PWWP2A: variants seen among roughly 807,000 people sequenced by gnomAD.
PWWP2A encodes PWWP domain-containing protein 2A.
Under a neutral mutation model 48.5 loss-of-function variants are expected in PWWP2A, and 18 were observed. The observed-to-expected ratio is 0.37, with a 90% confidence interval of 0.26 to 0.55. The LOEUF (loss-of-function observed/expected upper bound fraction) is 0.55, where lower values mean the gene tolerates loss of function less well. Among genes scored for constraint, PWWP2A ranks in the 20% least tolerant of loss-of-function variants. The probability of loss-of-function intolerance (pLI) is 0.81; values close to 1 mark genes in which losing one functional copy is unlikely to be tolerated. For synonymous variants in PWWP2A, 396 were observed against 387.7 expected, an observed-to-expected ratio of 1.02 and a Z score of -0.25; for missense variants, 867 against 976.4, an observed-to-expected ratio of 0.89 and a Z score of 1.49.
Position 160,091,375 on chromosome 5 carries a change from GGTTTT to G in PWWP2A, c.*1002_*1006del, listed in dbSNP as rs1185822976. 1.1e-6 allele frequency: 1 copy of G among 872,316 alleles called. No individual in the cohort carries two copies. Among genetic ancestry groups the G allele is most frequent in the Non-Finnish European group, 1.4e-6 (1 of 735,356 alleles). The allele number at this position is 872,316 out of a possible 1,614,324, so 54.0% of individuals were successfully genotyped here. ...TTGATTTTATTTACAGCTTTTTTTT[GGTTTT>G]TTTTTTTTTTTTTACATTTCAGAGC... On this transcript the variant is annotated 3_prime_UTR_variant, in exon 2 of 2. Transcript: ENST00000307063.
downstream of PWWP2A, among the ~76,000 whole-genome samples, chr5:160,075,401 G>C (rs1316346118): frequency 1.3e-5 from 2 of 152,126 alleles, no homozygotes; most frequent in South Asian, 4.1e-4. Flanking sequence ...TCAGTCCTGT[G>C]AACTGTCTGT....
intron 1 of PWWP2A, chr5:160,116,938 C>G (rs1758199026): frequency 5.8e-6 from 1 of 171,988 alleles, no homozygotes; most frequent in Non-Finnish European, 1.2e-5. Context: ...ACTAAAAATA[C>G]AAAATTAGCC....
At chr5:160,080,763 G>C in exon 3 of PWWP2A, 5 of 1,553,474 alleles carry the variant, frequency 3.2e-6, no homozygotes, top group Non-Finnish European at 4.4e-6. Flanking sequence ...GCTGCCATTT[G>C]TTGAGACCTA....
chr5:160,055,354 CA>C, the PWWP2A span, among the ~76,000 whole-genome samples: 43 of 152,334 alleles, frequency 2.8e-4, no homozygotes, highest in Non-Finnish European at 5.3e-4. Context: ...ACCTAGGCTG[CA>C]TGGGCTACTT....
intron 1 of PWWP2A, among the ~76,000 whole-genome samples, chr5:160,115,874 G>A (rs1758082237): frequency 6.6e-6 from 1 of 151,732 alleles, no homozygotes; most frequent in Non-Finnish European, 1.5e-5. Context: ...CTGTCTCCTG[G>A]ATCCATCAGT....
rs1346530002 is a variant in PWWP2A, at chr5:160,095,949, A to G, written c.585-1884T>C. On this transcript the variant is annotated intron_variant, in intron 1 of 1. Transcript: ENST00000307063. Reference sequence around the variant, plus strand: ...GCAGTCTGCCCACCTCAGCCTCCCAAAGTGCTGGGATTACAGACGTGAGCC... The same window carrying G: ...GCAGTCTGCCCACCTCAGCCTCCCAGAGTGCTGGGATTACAGACGTGAGCC... Among the ~76,000 whole-genome samples, 5 of 152,034 alleles carry G rather than the reference A, an allele frequency of 3.3e-5. No individual in the cohort carries two copies. The East Asian group carries it at 9.7e-4, about 29-fold the overall frequency.
chr5:160,049,463 T>G, the PWWP2A span: 1 of 1,485,930 alleles, frequency 6.7e-7, no homozygotes. Flanking sequence ...TAGCCAAAGA[T>G]ATGTAGGCCA....
At position 160,077,864 on chromosome 5, in the gene PWWP2A, T is replaced by A; in HGVS notation, c.*291A>T. ...ATTCCAAAGAAGTTACTGTCAGTGT[T>A]TCTTCATATATAAAATTCAAGTGAG... is the stretch of plus-strand genomic sequence containing the variant. On this transcript the variant is annotated 3_prime_UTR_variant, in exon 4 of 4. Transcript: ENST00000456329. This position sits in a 1 kb window ranked among gnomAD's most constrained non-coding sequence, Gnocchi z 4.2. The A allele has an allele frequency of 5.7e-6, 2 of 351,978 alleles. No individual in the cohort carries two copies. Among genetic ancestry groups the A allele is most frequent in the South Asian group, 9.7e-5 (2 of 20,606 alleles). 21.8% of individuals were successfully genotyped at this position (351,978 alleles called of 1,614,324 possible).
chr5:160,113,242 CTTGAG>C (rs1031144038), intron 1 of PWWP2A: 93 of 980,974 alleles, frequency 9.5e-5, no homozygotes, highest in East Asian at 3.4e-4. Context: ...TCTTTTCTTT[CTTGAG>C]TTATGTATGT....
rs1205289639 is a variant in PWWP2A, at chr5:160,091,429, T to C, written c.*953A>G. The C allele has an allele frequency of 4.1e-6, 4 of 980,202 alleles. No individual in the cohort carries two copies. The highest frequency in any genetic ancestry group is 4.8e-6 in the Non-Finnish European group (4 of 826,288). The allele number at this position is 980,202 out of a possible 1,614,324, so 60.7% of individuals were successfully genotyped here. On this transcript the variant is annotated 3_prime_UTR_variant, in exon 2 of 2. Coordinates refer to ENST00000307063, the MANE Select transcript of PWWP2A (RefSeq NM_001130864.2). The stretch of plus-strand genomic sequence containing the variant: ...GCATTACACAATTACATTTTCTCAT[T>C]TTCTGACCTGCAAACAGATACCTTA...
At chr5:160,050,759 G>A in the PWWP2A span, among the ~76,000 whole-genome samples, 2 of 151,418 alleles carry the variant, frequency 1.3e-5, no homozygotes, top group East Asian at 1.9e-4. Flanking sequence ...CTGAGTAGCT[G>A]CGACTACAGA....
chr5:160,095,773 C>T (rs1226266162), intron 1 of PWWP2A, among the ~76,000 whole-genome samples: 1 of 148,354 alleles, frequency 6.7e-6, no homozygotes, highest in Non-Finnish European at 1.5e-5. Flanking sequence ...CAGCTCACTG[C>T]AGCCTCGACC....
chr5:160,079,169 C>T (rs1300244832), intron 3 of PWWP2A, among the ~76,000 whole-genome samples: 1 of 152,018 alleles, frequency 6.6e-6, no homozygotes, highest in Admixed American at 6.6e-5. Context: ...CACAATGCAA[C>T]AAGGAAAACA....
At chr5:160,109,597 T>C (rs1048060819) in intron 1 of PWWP2A, among the ~76,000 whole-genome samples, 3 of 150,892 alleles carry the variant, frequency 2.0e-5, no homozygotes, top group African/African-American at 7.3e-5. Flanking sequence ...GACCTAAAAG[T>C]TTGCCAGCAG....
intron 3 of PWWP2A, among the ~76,000 whole-genome samples, chr5:160,080,466 T>C (rs1203333720): frequency 6.6e-6 from 1 of 152,180 alleles, no homozygotes; most frequent in Non-Finnish European, 1.5e-5. Context: ...GTAGTATCAA[T>C]GGAAAGTTAT....
At chr5:160,095,760 T>C (rs1755585664) in intron 1 of PWWP2A, among the ~76,000 whole-genome samples, 1 of 140,294 alleles carries the variant, frequency 7.1e-6, no homozygotes, top group Admixed American at 7.4e-5. Context: ...AGTGGTACCA[T>C]CACAGCTCAC....
At chr5:160,064,897 C>T in intron 4 of PWWP2A, 1 of 1,599,686 alleles carries the variant, frequency 6.3e-7, no homozygotes, top group Non-Finnish European at 8.5e-7. Context: ...CTGTTCATTC[C>T]TGTATTCATT....
At chr5:160,055,566 G>A in the PWWP2A span, among the ~76,000 whole-genome samples, 3 of 152,360 alleles carry the variant, frequency 2.0e-5, no homozygotes, top group African/African-American at 7.2e-5. Flanking sequence ...CCAAAACCAT[G>A]CCAAAAGGCA....
the PWWP2A span, among the ~76,000 whole-genome samples, chr5:160,055,573 G>T: frequency 0.072 from 10,931 of 152,322 alleles, 472 homozygotes; most frequent in East Asian, 0.12. Context: ...CATGCCAAAA[G>T]GCATGATATC....
Sources: allele counts gnomAD v4.1 joint callset (sites outside exome capture counted in the v4.1 genomes callset), GRCh38; gene constraint gnomAD v4.1.1; non-coding constraint Gnocchi (gnomAD v3.1); transcripts MANE v1.5; gene names NCBI Gene and HGNC (gene_info 2026-07-23, HGNC 2026-07-21).